Variants in TAF3 observed in about 807,000 individuals in gnomAD.
TAF3 encodes the protein transcription initiation factor TFIID subunit 3.
A neutral mutation model predicts 80.6 loss-of-function variants in TAF3; 7 were observed. The ratio of observed to expected loss-of-function variants is 0.09; its 90% confidence interval spans 0.05 to 0.16. The LOEUF is 0.16. Among genes scored for constraint, TAF3 ranks in the 10% least tolerant of loss-of-function variants. The probability of loss-of-function intolerance (pLI) is 1.00; values close to 1 mark genes in which losing one functional copy is unlikely to be tolerated. For synonymous variants in TAF3, 444 were observed against 446.1 expected (o/e 1.00, Z 0.06); for missense variants, 921 against 1,140.2 (o/e 0.81, Z 2.77).
chr10:7,974,267 C>T (rs965959928), intron 3 of TAF3, among the ~76,000 whole-genome samples: 1 of 152,162 alleles, frequency 6.6e-6, no homozygotes, highest in African/African-American at 2.4e-5. Context: ...CTGGACCATA[C>T]TGTCTGCAGG....
chr10:7,944,485 G>T (rs914688505), intron 2 of TAF3, among the ~76,000 whole-genome samples: 18 of 152,208 alleles, frequency 1.2e-4, no homozygotes, highest in African/African-American at 3.9e-4. Context: ...AAGTTACTAC[G>T]CATTTTTTTC....
intron 4 of TAF3, among the ~76,000 whole-genome samples, chr10:7,993,370 G>A (rs868327339): frequency 2.6e-5 from 4 of 152,168 alleles, no homozygotes; most frequent in Non-Finnish European, 5.9e-5. Flanking sequence ...GTAGAGATGG[G>A]GTCTTGCTGT....
At chr10:7,866,305 T>C (rs1837214351) in intron 2 of TAF3, among the ~76,000 whole-genome samples, 1 of 152,174 alleles carries the variant, frequency 6.6e-6, no homozygotes, top group Admixed American at 6.5e-5. Context: ...TCATGTGGGC[T>C]AATCATCCAA....
intron 2 of TAF3, among the ~76,000 whole-genome samples, chr10:7,894,600 A>G (rs1470562934): frequency 6.6e-6 from 1 of 152,152 alleles, no homozygotes; most frequent in Non-Finnish European, 1.5e-5. Flanking sequence ...CTGGGAACCT[A>G]TTTTCTGTTC....
rs115616699 is a variant in TAF3 at position 7,856,051 on chromosome 10, A to T, written c.409+31491A>T. 3.7e-3 allele frequency among the ~76,000 whole-genome samples: 556 copies of T among 152,322 alleles called. 3 individuals are homozygous for T. The highest frequency in any genetic ancestry group is 0.012 in the African/African-American group (506 of 41,566). On this transcript the variant is annotated intron_variant, in intron 2 of 6. Transcript: ENST00000344293. ...ATTTTAAAGGAGGAAATGGGGGAAA[A>T]GAAGAAGGGGAAGCCACAGAAGCAG...
intron 2 of TAF3, among the ~76,000 whole-genome samples, chr10:7,952,145 A>C (rs1276889602): frequency 1.3e-5 from 2 of 152,208 alleles, no homozygotes; most frequent in Non-Finnish European, 2.9e-5. Flanking sequence ...CAAAGGGCCT[A>C]CATCCTGGAT....
chr10:8,015,866 A>AC lies in TAF3; in HGVS notation c.*1115_*1116insC, dbSNP rs1462772667. ...TAGTTTCCATGAAAGTAAAAAAAAAAAACAACAAAAAACCCACATATACTG... is the reference window on the plus strand; with the variant it reads ...TAGTTTCCATGAAAGTAAAAAAAAAACAACAACAAAAAACCCACATATACTG... On this transcript the variant is annotated 3_prime_UTR_variant, in exon 7 of 7. Coordinates refer to ENST00000344293, the MANE Select transcript of TAF3 (RefSeq NM_031923.4). 3.4e-4 allele frequency: 52 copies of AC among 151,812 alleles called. No individual in the cohort carries two copies. Among genetic ancestry groups the AC allele is most frequent in the African/African-American group, 1.0e-3 (43 of 41,490 alleles). 9.4% of individuals were successfully genotyped at this position (151,812 alleles called of 1,614,324 possible).
rs183819061 is a variant in TAF3, at chr10:7,911,075, A to G, written c.410-52845A>G. ...TGCAGATGGTATTTTGACTTTAATTATATGATTTTTGAGGGAGAAGACTCA... is the reference window on the plus strand; with the variant it reads ...TGCAGATGGTATTTTGACTTTAATTGTATGATTTTTGAGGGAGAAGACTCA... On this transcript the variant is annotated intron_variant, in intron 2 of 6. Transcript: ENST00000344293. Among the ~76,000 whole-genome samples the G allele has an allele frequency of 1.2e-4, 19 of 152,332 alleles. No homozygotes were observed. The East Asian group carries it at 3.1e-3, about 25-fold the overall frequency.
At chr10:7,878,306 C>T (rs1419469268) in intron 2 of TAF3, among the ~76,000 whole-genome samples, 1 of 152,134 alleles carries the variant, frequency 6.6e-6, no homozygotes, top group Non-Finnish European at 1.5e-5. Flanking sequence ...TATTATATAG[C>T]AATGAATAAA....
chr10:7,915,339 T>G (rs1010094963), intron 2 of TAF3, among the ~76,000 whole-genome samples: 1 of 151,806 alleles, frequency 6.6e-6, no homozygotes, highest in African/African-American at 2.4e-5. Flanking sequence ...AGGTGAGGGC[T>G]TTTTAGGCTC....
chr10:7,848,663 G>A (rs762206160), intron 2 of TAF3, among the ~76,000 whole-genome samples: 15 of 152,166 alleles, frequency 9.9e-5, no homozygotes, highest in Non-Finnish European at 1.8e-4. Flanking sequence ...AAATGAAGTT[G>A]TTAGTGTTTT....
In TAF3 at chr10:7,818,875, T is replaced by C; in HGVS notation, c.166T>C (p.Tyr56His). The C allele has an allele frequency of 6.8e-7, 1 of 1,470,026 alleles. No individual in the cohort carries two copies. The highest frequency in any genetic ancestry group is 8.9e-7 in the Non-Finnish European group (1 of 1,118,660). 91.1% of individuals were successfully genotyped at this position (1,470,026 alleles called of 1,614,324 possible). The change falls in exon 1 of 7, where the codon TAT becomes CAT. Residue 56 changes from tyrosine to histidine, a missense_variant and splice_region_variant. This residue lies in a region of TAF3 where 106 missense variants were observed against 191.8 expected (regional missense o/e 0.55). Transcript: ENST00000344293. ...GRGCHRYSELYGRTDPILDDV... is the reference protein window; with the variant it reads ...GRGCHRYSELHGRTDPILDDV... ...GGGCTGCCATCGGTACTCTGAGCTC[T>C]GTGAGTACCGGGCTGGGTGCGGGAG...
intron 2 of TAF3, among the ~76,000 whole-genome samples, chr10:7,876,998 C>G (rs546728352): frequency 1.3e-5 from 2 of 150,158 alleles, no homozygotes; most frequent in African/African-American, 4.9e-5. Flanking sequence ...TTCCTTTACT[C>G]AAATTGCCCA....
At position 7,965,629 on chromosome 10, in the gene TAF3, GAGA is replaced by G. The variant is rs928008971; in HGVS notation, c.2127_2129del (p.Lys712del). The G allele has an allele frequency of 9.4e-6, 15 of 1,596,556 alleles. No individual in the cohort carries two copies. Among genetic ancestry groups the G allele is most frequent in the East Asian group, 2.3e-5 (1 of 44,344 alleles). On this transcript the variant is annotated inframe_deletion, in exon 3 of 7. Coordinates refer to ENST00000344293, the MANE Select transcript of TAF3 (RefSeq NM_031923.4). ...GAAAGAAAAGAAAAAGGACAAAAAG[GAGA>G]AGAAGAAAAAGAAGGAAAAAGAGAA...
chr10:7,849,632 C>T (rs1229727939), intron 2 of TAF3, among the ~76,000 whole-genome samples: 1 of 151,138 alleles, frequency 6.6e-6, no homozygotes, highest in Non-Finnish European at 1.5e-5. Flanking sequence ...CCCCAATTAT[C>T]ATATATTAAA....
intron 4 of TAF3, among the ~76,000 whole-genome samples, chr10:8,006,102 G>C (rs1831988875): frequency 6.6e-6 from 1 of 151,998 alleles, no homozygotes; most frequent in South Asian, 2.1e-4. Flanking sequence ...GGCTGAGGTG[G>C]GCAGATGACC....
chr10:7,962,971 G>A (rs369752961), intron 2 of TAF3, among the ~76,000 whole-genome samples: 1 of 152,098 alleles, frequency 6.6e-6, no homozygotes, highest in Admixed American at 6.5e-5. Flanking sequence ...AAGTAACATC[G>A]GCTCCTTTTT....
chr10:7,986,178 C>G (rs540960153), intron 4 of TAF3, among the ~76,000 whole-genome samples: 1 of 152,084 alleles, frequency 6.6e-6, no homozygotes, highest in East Asian at 1.9e-4. Context: ...TACAGTAACT[C>G]TGTTTCTTCT....
At chr10:7,938,695 G>A (rs1837948766) in intron 2 of TAF3, among the ~76,000 whole-genome samples, 1 of 152,210 alleles carries the variant, frequency 6.6e-6, no homozygotes, top group Admixed American at 6.5e-5. Flanking sequence ...TGAGATAAGA[G>A]AGGAGGAATC....
Sources: allele counts gnomAD v4.1 joint callset (sites outside exome capture counted in the v4.1 genomes callset), GRCh38; gene constraint gnomAD v4.1.1; regional missense constraint gnomAD v4.1.1; transcripts MANE v1.5; gene names NCBI Gene and HGNC (gene_info 2026-07-23, HGNC 2026-07-21).